The following TNN variants were observed in gnomAD, a reference collection of about 807,000 sequenced individuals.
The protein encoded by TNN is tenascin-N.
In TNN, 122 loss-of-function variants were observed where a neutral mutation model predicts 134.4. The ratio of observed to expected loss-of-function variants is 0.91; its 90% CI spans 0.78 to 1.06. TNN has a LOEUF of 1.06. TNN is among the 50% of genes least tolerant of loss of function. The probability of loss-of-function intolerance (pLI) is 0.00; values close to 1 mark genes in which losing one functional copy is unlikely to be tolerated. For missense variants in TNN, 1,739 were observed against 1,699.4 expected (o/e 1.02, Z -0.41); for synonymous variants, 710 against 670.3 (o/e 1.06, Z -0.91).
intron 9 of TNN, among the ~76,000 whole-genome samples, chr1:175,104,523 G>GTGT: frequency 1.4e-5 from 2 of 145,948 alleles, no homozygotes; most frequent in East Asian, 4.6e-4. Flanking sequence ...GCCGTACCAG[G>GTGT]TGATTGGCCT....
At chr1:175,078,883 G>T (rs1157458275) in intron 2 of TNN, among the ~76,000 whole-genome samples, 5 of 152,278 alleles carry the variant, frequency 3.3e-5, no homozygotes, top group African/African-American at 1.2e-4. Context: ...AGCCTTGCTA[G>T]TTCCAGCAAA....
intron 6 of TNN, among the ~76,000 whole-genome samples, chr1:175,091,187 G>A (rs760666923): frequency 5.9e-5 from 9 of 152,232 alleles, no homozygotes; most frequent in Middle Eastern, 3.2e-3. Context: ...GATCCCCATC[G>A]GGGGAATGGT....
At chr1:175,143,645 A>G (rs1211269539) in intron 17 of TNN, among the ~76,000 whole-genome samples, 1 of 151,906 alleles carries the variant, frequency 6.6e-6, no homozygotes, top group Non-Finnish European at 1.5e-5. Flanking sequence ...GCAGAGAGAA[A>G]TCTCCTGGAA....
intron 1 of TNN, among the ~76,000 whole-genome samples, chr1:175,076,311 A>G (rs972085306): frequency 6.6e-6 from 1 of 152,194 alleles, no homozygotes; most frequent in Non-Finnish European, 1.5e-5. Flanking sequence ...CAGGCCACCC[A>G]TGCACGGATG....
At chr1:175,080,141 C>T (rs751263622) in intron 3 of TNN, 22 bp from the exon 4 acceptor site, 23 of 1,612,042 alleles carry the variant, frequency 1.4e-5, no homozygotes, top group Non-Finnish European at 1.9e-5. Flanking sequence ...CCCTCTCTGC[C>T]CTGTTCCTGT....
At chr1:175,089,096 A>G (rs1484503295) in intron 6 of TNN, among the ~76,000 whole-genome samples, 1 of 152,206 alleles carries the variant, frequency 6.6e-6, no homozygotes, top group Admixed American at 6.5e-5. Flanking sequence ...TACCAGCATC[A>G]AAAAGAAAAA....
chr1:175,081,366 C>A (rs115959602), intron 4 of TNN, among the ~76,000 whole-genome samples: 1 of 152,326 alleles, frequency 6.6e-6, no homozygotes, highest in Non-Finnish European at 1.5e-5. Flanking sequence ...ATGACTAACT[C>A]ATTCCTTCAC....
At chr1:175,075,071 G>A (rs564018344) in intron 1 of TNN, among the ~76,000 whole-genome samples, 59 of 152,346 alleles carry the variant, frequency 3.9e-4, no homozygotes, top group Non-Finnish European at 6.3e-4. Context: ...TGCCTAGTGC[G>A]TAGCAGCAAC....
chr1:175,134,979 G>A (rs891179515), intron 15 of TNN, among the ~76,000 whole-genome samples: 2 of 152,088 alleles, frequency 1.3e-5, no homozygotes, highest in African/African-American at 4.8e-5. Context: ...CCCTTTTAAA[G>A]GCTCACCAGG....
At position 175,116,944 on chromosome 1, in the gene TNN, G is replaced by T. The variant is rs755320265; in HGVS notation, c.2125G>T (p.Asp709Tyr). 3.7e-6 allele frequency: 6 copies of T among 1,613,422 alleles called. No homozygotes were observed. The African/African-American group carries it at 5.3e-5, about 14-fold the overall frequency. ...KADTKAQTDI[D>Y]SPQNLVTDRV... ...TCAGCAATTTTTTTTTTCAGACATT[G>T]ACAGCCCCCAAAACCTGGTGACCGA... The change falls in exon 10 of 19, where the codon GAC becomes TAC. Residue 709 changes from aspartate to tyrosine, a missense_variant. Transcript: ENST00000239462.
chr1:175,072,926 C>CTTTT (rs60879960), intron 1 of TNN, among the ~76,000 whole-genome samples: 35 of 46,768 alleles, frequency 7.5e-4, no homozygotes, highest in African/African-American at 1.3e-3. Context: ...GAGTCCACGG[C>CTTTT]TTTTTTTTTT....
Position 175,136,802 on chromosome 1 carries a change from T to C in TNN, c.3428-19T>C. On this transcript the variant is annotated intron_variant, in intron 16 of 18. Transcript: ENST00000239462. ...CACATGGGTTGATTGATTATTGGAA[T>C]TCCGTTTTTTATTTTTAGGACTTGA... is the stretch of plus-strand genomic sequence containing the variant. The C allele has an allele frequency of 6.2e-7, 1 of 1,610,962 alleles. No homozygotes were observed. The highest frequency in any genetic ancestry group is 8.5e-7 in the Non-Finnish European group (1 of 1,177,948).
chr1:175,118,165 C>T (rs1464313642), intron 10 of TNN, among the ~76,000 whole-genome samples: 1 of 152,194 alleles, frequency 6.6e-6, no homozygotes, highest in Non-Finnish European at 1.5e-5. Context: ...GAGGTCTTTA[C>T]TGACATGATG....
rs149954651 is a variant in TNN, at chr1:175,114,886, G to A, written c.2120-2053G>A. Among the ~76,000 whole-genome samples the A allele has an allele frequency of 5.3e-3, 806 of 152,158 alleles. 2 individuals are homozygous for A. Among genetic ancestry groups the A allele is most frequent in the Non-Finnish European group, 9.4e-3 (641 of 67,988 alleles). ...AGTGGGGATTCTAAACTCTACAATGGTGGGACTTGGCAGTATCCCAGTCTC... is the reference window on the plus strand; with the variant it reads ...AGTGGGGATTCTAAACTCTACAATGATGGGACTTGGCAGTATCCCAGTCTC... On this transcript the variant is annotated intron_variant, in intron 9 of 18. Transcript: ENST00000239462.
intron 9 of TNN, among the ~76,000 whole-genome samples, chr1:175,099,061 A>G (rs1302417592): frequency 1.3e-5 from 2 of 152,228 alleles, no homozygotes; most frequent in Non-Finnish European, 2.9e-5. Context: ...CATTAGCTAA[A>G]AATAAAATAT....
chr1:175,069,845 G>A (rs1673878152), intron 1 of TNN, among the ~76,000 whole-genome samples: 2 of 152,218 alleles, frequency 1.3e-5, no homozygotes, highest in South Asian at 4.1e-4. Flanking sequence ...TTGGAAATTA[G>A]CAAACGCTCT....
At chr1:175,069,154 C>G (rs1673862616) in intron 1 of TNN, among the ~76,000 whole-genome samples, 1 of 152,106 alleles carries the variant, frequency 6.6e-6, no homozygotes, top group Admixed American at 6.6e-5. Context: ...AGGTTAGCCA[C>G]AGTGCCTAAA....
chr1:175,119,215 T>A (rs886730003), intron 11 of TNN, among the ~76,000 whole-genome samples: 1 of 152,240 alleles, frequency 6.6e-6, no homozygotes, highest in Non-Finnish European at 1.5e-5. Flanking sequence ...TCCATTTTTA[T>A]GGTTATTTCT....
In TNN at chr1:175,147,246, A is replaced by G. The variant is rs1301475148; in HGVS notation, c.*175A>G. 1 of 563,464 alleles carries G rather than the reference A, an allele frequency of 1.8e-6. No individual in the cohort carries two copies. The highest frequency in any genetic ancestry group is 1.9e-5 in the African/African-American group (1 of 52,462). 34.9% of individuals were successfully genotyped at this position (563,464 alleles called of 1,614,324 possible). A position where few individuals can be genotyped will look rare whatever the true frequency, so the allele number is the denominator to read the frequency against. On this transcript the variant is annotated 3_prime_UTR_variant, in exon 19 of 19. Transcript: ENST00000239462. ...CTCACCTGCATTTTTGCCCGTCTTT[A>G]TGAGGGTCTTGAAAATCAAAATAGT... is the stretch of plus-strand genomic sequence containing the variant.
Sources: gnomAD v4.1 joint callset for allele counts (sites outside exome capture counted in the v4.1 genomes callset) on GRCh38, gnomAD v4.1.1 for gene constraint, MANE v1.5 for transcripts, NCBI Gene and HGNC (gene_info 2026-07-23, HGNC 2026-07-21) for gene names.